GARS1: variants seen among roughly 807,000 people sequenced by gnomAD.
GARS1 encodes the protein glycyl-tRNA synthetase 1.
Under a neutral mutation model 86.4 loss-of-function variants are expected in GARS1, and 46 were observed. The ratio of observed to expected loss-of-function variants is 0.53; its 90% CI spans 0.42 to 0.68. The LOEUF (loss-of-function observed/expected upper bound fraction) is 0.68, where lower values mean the gene tolerates loss of function less well. Among genes scored for constraint, GARS1 ranks in the 30% least tolerant of loss-of-function variants. The pLI, the probability that GARS1 is intolerant of heterozygous loss-of-function variation, is 0.00. For synonymous variants in GARS1, 342 were observed against 329.8 expected, an observed-to-expected ratio of 1.04 and a Z score of -0.40; for missense variants, 797 against 915.6, an observed-to-expected ratio of 0.87 and a Z score of 1.67.
At chr7:30,608,402 C>T (rs1791524091) in intron 6 of GARS1, among the ~76,000 whole-genome samples, 1 of 152,188 alleles carries the variant, frequency 6.6e-6, no homozygotes. Flanking sequence ...TAACTTTCTA[C>T]TCTAGTAGGA....
At chr7:30,609,752 C>A (rs1258132672) in intron 7 of GARS1, 22 bp downstream of exon 7, 2 of 1,611,042 alleles carry the variant, frequency 1.2e-6, no homozygotes, top group Admixed American at 1.7e-5. Flanking sequence ...TTATTGTTTA[C>A]CTGTTTATGT....
rs186189171 is a variant in GARS1, at chr7:30,595,705, G to A, written c.222+562G>A. ...TCCTTCATTCAGTGCTTAGTTTAGC[G>A]GAATGATTGGCTGAGAAAATAGAAT... On this transcript the variant is annotated intron_variant, in intron 1 of 16. Transcript: ENST00000389266. The A allele has an allele frequency of 1.0e-4, 47 of 467,942 alleles. No homozygotes were observed. In the East Asian group the frequency reaches 3.3e-3, roughly 33 times the overall value. 29.0% of individuals were successfully genotyped at this position (467,942 alleles called of 1,614,324 possible).
chr7:30,619,082 T>C (rs1355879013), intron 10 of GARS1, among the ~76,000 whole-genome samples: 1 of 152,262 alleles, frequency 6.6e-6, no homozygotes, highest in African/African-American at 2.4e-5. Flanking sequence ...AACCAGATGT[T>C]GTTCTTGCTG....
At chr7:30,596,109 TTAG>T (rs992851620) in intron 1 of GARS1, among the ~76,000 whole-genome samples, 1 of 152,218 alleles carries the variant, frequency 6.6e-6, no homozygotes, top group Non-Finnish European at 1.5e-5. Flanking sequence ...AGATCATGAC[TTAG>T]TAGTAAACAC....
intron 9 of GARS1, among the ~76,000 whole-genome samples, chr7:30,616,429 G>A (rs571211924): frequency 6.6e-6 from 1 of 152,344 alleles, no homozygotes; most frequent in Admixed American, 6.5e-5. Context: ...ATTACCCATA[G>A]CAGTGGAATA....
chr7:30,623,643 G>C (rs941158644), intron 12 of GARS1, among the ~76,000 whole-genome samples: 1 of 152,120 alleles, frequency 6.6e-6, no homozygotes, highest in Non-Finnish European at 1.5e-5. Flanking sequence ...GTCCTAGAGA[G>C]GGTGTATAGA....
intron 8 of GARS1, 75 bp downstream of exon 8, chr7:30,612,320 A>G: frequency 7.3e-7 from 1 of 1,372,904 alleles, no homozygotes; most frequent in Non-Finnish European, 1.0e-6. Context: ...TGCTGTTTTG[A>G]AGCAATTCTG....
intron 8 of GARS1, among the ~76,000 whole-genome samples, chr7:30,614,618 G>A (rs1056234749): frequency 2.6e-5 from 4 of 152,200 alleles, no homozygotes; most frequent in African/African-American, 7.2e-5. Flanking sequence ...GCTCACGCCT[G>A]TAATCCCAGC....
chr7:30,603,870 G>A (rs1413277570), intron 6 of GARS1, among the ~76,000 whole-genome samples: 2 of 152,162 alleles, frequency 1.3e-5, no homozygotes, highest in African/African-American at 2.4e-5. Flanking sequence ...GACTGATGAT[G>A]GGTAGTGTTC....
chr7:30,605,141 A>G (rs1469095391), intron 6 of GARS1, among the ~76,000 whole-genome samples: 1 of 152,236 alleles, frequency 6.6e-6, no homozygotes, highest in Non-Finnish European at 1.5e-5. Flanking sequence ...CTGAAAGCCC[A>G]TCTGTTGCTT....
At chr7:30,631,669 C>T in intron 15 of GARS1, 128 bp downstream of exon 15, 1 of 716,092 alleles carries the variant, frequency 1.4e-6, no homozygotes, top group Non-Finnish European at 2.5e-6. Flanking sequence ...ATAAAGAGTA[C>T]ATGATTTTAG....
chr7:30,601,791 G>A (rs1188951727), intron 4 of GARS1, among the ~76,000 whole-genome samples: 1 of 151,674 alleles, frequency 6.6e-6, no homozygotes, highest in East Asian at 1.9e-4. Flanking sequence ...CTTTTTTTGT[G>A]TGTGTGAGAT....
intron 6 of GARS1, among the ~76,000 whole-genome samples, chr7:30,608,657 T>C (rs2128133632): frequency 6.6e-6 from 1 of 152,312 alleles, no homozygotes; most frequent in East Asian, 1.9e-4. Flanking sequence ...GCAAATATAA[T>C]TGCTCTTTAT....
chr7:30,613,747 A>C (rs567677498), intron 8 of GARS1, among the ~76,000 whole-genome samples: 108 of 152,316 alleles, frequency 7.1e-4, no homozygotes, highest in Non-Finnish European at 8.5e-4. Context: ...TGTCCCTTGC[A>C]AGTTCCTGAC....
At chr7:30,607,023 A>G (rs944978190) in intron 6 of GARS1, among the ~76,000 whole-genome samples, 1 of 152,226 alleles carries the variant, frequency 6.6e-6, no homozygotes, top group African/African-American at 2.4e-5. Flanking sequence ...TCTCAGAATG[A>G]CAATACCAAC....
chr7:30,594,861 G>C, upstream of GARS1: 2 of 1,400,802 alleles, frequency 1.4e-6, no homozygotes, highest in Non-Finnish European at 1.9e-6. Context: ...CATGCTCCGA[G>C]CCGGGCGGCG....
chr7:30,621,421 A>T lies in GARS1; in HGVS notation c.1388A>T (p.Asp463Val), dbSNP rs2128135087. The T allele has an allele frequency of 6.2e-7, 1 of 1,614,116 alleles. No homozygotes were observed. Among genetic ancestry groups the T allele is most frequent in the East Asian group, 2.2e-5 (1 of 44,874 alleles). The change falls in exon 11 of 17, where the codon GAT (aspartate) becomes GTT (valine). Residue 463 changes from aspartate (D) to valine (V), a missense_variant. Physicochemically the swap from Asp to Val is radical, Grantham distance 152. Coordinates refer to ENST00000389266, the MANE Select transcript of GARS1 (RefSeq NM_002047.4). ...YGWIEIVGCA[D>V]RSCYDLSCHA... ...TGGATTGAGATTGTTGGATGTGCTG[A>T]TCGTTCCTGTTATGACCTCTCCTGT...
intron 7 of GARS1, 117 bp from the exon 8 acceptor site, chr7:30,611,979 C>CA (rs1355711666): frequency 2.1e-6 from 2 of 951,416 alleles, no homozygotes; most frequent in Non-Finnish European, 3.4e-6. Flanking sequence ...AGGGCCTGTT[C>CA]AACTTTGTTG....
At chr7:30,594,795 C>G, upstream of GARS1, 1 of 783,088 alleles carries the variant, frequency 1.3e-6, no homozygotes, top group South Asian at 1.7e-5. Context: ...CGCCGCGTCA[C>G]GCGGTGGTGA....
Sources: allele counts gnomAD v4.1 joint callset (sites outside exome capture counted in the v4.1 genomes callset), GRCh38; gene constraint gnomAD v4.1.1; transcripts MANE v1.5; gene names NCBI Gene and HGNC (gene_info 2026-07-23, HGNC 2026-07-21).